The following GPC5 variants were observed in gnomAD, a reference collection of about 807,000 sequenced individuals.
GPC5 encodes the protein glypican 5, also known as glypican-5.
GPC5 carries 47 observed loss-of-function variants against 53.9 expected under a neutral mutation model. The observed-to-expected ratio is 0.87, with a 90% CI of 0.69 to 1.11. The LOEUF (loss-of-function observed/expected upper bound fraction) is 1.11, where lower values mean the gene tolerates loss of function less well. Ranked by LOEUF, GPC5 falls within the 50% of genes most tolerant of loss-of-function variation. GPC5 has a pLI of 0.00. For missense variants in GPC5, 748 were observed against 713.1 expected, an observed-to-expected ratio of 1.05 and a Z score of -0.56; for synonymous variants, 286 against 263.3, an observed-to-expected ratio of 1.09 and a Z score of -0.84.
chr13:91,753,033 A>T (rs4771843), intron 4 of GPC5, among the ~76,000 whole-genome samples: 51,549 of 152,148 alleles, frequency 0.34, 10,113 homozygotes, highest in East Asian at 0.64. Context: ...TTAATTCCTT[A>T]GTCTTCACTC....
intron 7 of GPC5, among the ~76,000 whole-genome samples, chr13:92,194,177 T>C (rs1019556352): frequency 4.2e-4 from 64 of 152,212 alleles, no homozygotes; most frequent in Non-Finnish European, 1.2e-4. Flanking sequence ...CAGATTATTA[T>C]CCTCATTTTA....
chr13:92,862,409 A>G (rs896862559), intron 7 of GPC5, among the ~76,000 whole-genome samples: 2 of 152,160 alleles, frequency 1.3e-5, no homozygotes, highest in African/African-American at 4.8e-5. Flanking sequence ...AATTATTTTG[A>G]CTTCATTATT....
chr13:92,268,137 T>G (rs1384522029), intron 7 of GPC5, among the ~76,000 whole-genome samples: 1 of 152,038 alleles, frequency 6.6e-6, no homozygotes, highest in East Asian at 1.9e-4. Flanking sequence ...TCGCAAATGA[T>G]TCTTACTATT....
intron 2 of GPC5, among the ~76,000 whole-genome samples, chr13:91,599,618 G>A (rs2033111522): frequency 6.6e-6 from 1 of 152,006 alleles, no homozygotes; most frequent in South Asian, 2.1e-4. Context: ...GTCATCATGG[G>A]AACAATGCAC....
intron 7 of GPC5, among the ~76,000 whole-genome samples, chr13:92,546,381 A>C (rs1401332543): frequency 6.6e-6 from 1 of 152,170 alleles, no homozygotes; most frequent in Non-Finnish European, 1.5e-5. Context: ...TAACAGACAC[A>C]CAGAGAGCCA....
chr13:91,560,863 T>C (rs2031220823), intron 2 of GPC5, among the ~76,000 whole-genome samples: 2 of 152,106 alleles, frequency 1.3e-5, no homozygotes, highest in Admixed American at 6.6e-5. Context: ...TCTTGCCCAA[T>C]TTCCAGACCA....
chr13:92,764,074 T>C (rs1334458039), intron 7 of GPC5, among the ~76,000 whole-genome samples: 1 of 152,128 alleles, frequency 6.6e-6, no homozygotes, highest in Non-Finnish European at 1.5e-5. Context: ...CAGAGTACCA[T>C]GTCAGCTCAG....
At chr13:91,782,967 T>G (rs2037821238) in intron 5 of GPC5, among the ~76,000 whole-genome samples, 2 of 152,054 alleles carry the variant, frequency 1.3e-5, no homozygotes. Context: ...TTTCCTAACA[T>G]TTATTCTGTT....
chr13:92,113,420 A>C (rs1279500108), intron 6 of GPC5, among the ~76,000 whole-genome samples: 2 of 152,150 alleles, frequency 1.3e-5, no homozygotes, highest in African/African-American at 4.8e-5. Context: ...TATAAACAGC[A>C]CTAAAGCTAA....
intron 7 of GPC5, among the ~76,000 whole-genome samples, chr13:92,779,801 CA>C (rs1875953876): frequency 6.6e-6 from 1 of 152,098 alleles, no homozygotes. Flanking sequence ...TCCCAACAGA[CA>C]ATACAGATTA....
chr13:92,602,233 CAT>C (rs149450440), intron 7 of GPC5, among the ~76,000 whole-genome samples: 4,705 of 119,376 alleles, frequency 0.039, 202 homozygotes, highest in African/African-American at 0.1. Context: ...ATATATATAA[CAT>C]ATATATATAT....
chr13:91,413,660 C>T (rs1354656658), intron 1 of GPC5, among the ~76,000 whole-genome samples: 1 of 152,202 alleles, frequency 6.6e-6, no homozygotes, highest in Non-Finnish European at 1.5e-5. Context: ...ATAACACTTT[C>T]CAGGCTCCTG....
chr13:92,580,152 A>G (rs144501976), intron 7 of GPC5, among the ~76,000 whole-genome samples: 2 of 152,352 alleles, frequency 1.3e-5, no homozygotes, highest in African/African-American at 4.8e-5. Context: ...AGGGCAAATC[A>G]AAGAAATTCA....
intron 7 of GPC5, among the ~76,000 whole-genome samples, chr13:92,698,854 C>T (rs1887640401): frequency 1.3e-5 from 2 of 152,280 alleles, no homozygotes; most frequent in South Asian, 4.1e-4. Context: ...TAATGATCGC[C>T]ATTCTAACTG....
chr13:92,603,330 C>T (rs928226436), intron 7 of GPC5, among the ~76,000 whole-genome samples: 5 of 152,044 alleles, frequency 3.3e-5, no homozygotes, highest in Non-Finnish European at 7.4e-5. Flanking sequence ...AAGAAAATCT[C>T]TGTCTTCCCA....
chr13:91,625,469 T>C (rs1336073808), intron 2 of GPC5, among the ~76,000 whole-genome samples: 2 of 152,068 alleles, frequency 1.3e-5, no homozygotes, highest in Admixed American at 6.6e-5. Flanking sequence ...GAAGGATATA[T>C]ATCCTAGGCT....
chr13:91,468,639 T>C (rs1482423899), intron 2 of GPC5, among the ~76,000 whole-genome samples: 2 of 152,148 alleles, frequency 1.3e-5, no homozygotes, highest in Admixed American at 6.5e-5. Flanking sequence ...AGCTTGATCT[T>C]AGACCTCTGG....
In GPC5 at chr13:91,830,833, C is replaced by T. The variant is rs187846775; in HGVS notation, c.1280+74413C>T. 4.1e-3 allele frequency among the ~76,000 whole-genome samples: 504 copies of T among 122,428 alleles called. 3 individuals are homozygous for T. Among genetic ancestry groups the T allele is most frequent in the African/African-American group, 0.015 (484 of 31,868 alleles). The allele number at this position is 122,428 out of a possible 152,430, so 80.3% of individuals were successfully genotyped here. A position where few individuals can be genotyped will look rare whatever the true frequency, so the allele number is the denominator to read the frequency against. ...ATATCCTATTATATATAATATATAT[C>T]CTATTATATATAATATATATATCCT... On this transcript the variant is annotated intron_variant, in intron 5 of 7. Transcript: ENST00000377067.
intron 7 of GPC5, among the ~76,000 whole-genome samples, chr13:92,626,887 A>G (rs1193338062): frequency 3.9e-5 from 6 of 152,122 alleles, no homozygotes; most frequent in Non-Finnish European, 4.4e-5. Flanking sequence ...ACATACATAA[A>G]TGGTTTGTAC....
Sources: allele counts gnomAD v4.1 joint callset (sites outside exome capture counted in the v4.1 genomes callset), GRCh38; gene constraint gnomAD v4.1.1; transcripts MANE v1.5; gene names NCBI Gene and HGNC (gene_info 2026-07-23, HGNC 2026-07-21).